Variants in SWAP70 observed in about 807,000 individuals in gnomAD.
SWAP70 encodes switch-associated protein 70.
A neutral mutation model predicts 80.2 loss-of-function variants in SWAP70; 34 were observed. The observed-to-expected ratio is 0.42, with a 90% CI of 0.32 to 0.56. SWAP70 has a LOEUF of 0.56. Ranked by LOEUF, SWAP70 falls within the 20% of genes least tolerant of loss-of-function variation. The pLI is 0.09. For missense variants in SWAP70, 578 were observed against 690.7 expected (o/e 0.84, Z 1.83); for synonymous variants, 239 against 238.5 (o/e 1.00, Z -0.02).
At position 9,733,481 on chromosome 11, in the gene SWAP70, A is replaced by G. The variant is rs753616367; in HGVS notation, c.1080+771A>G. ...GGTTCTCCCTTGGTAACCCGTAGAA[A>G]TGCCACATTGTGTGCTGAACTTCCT... On this transcript the variant is annotated intron_variant, in intron 7 of 11. Coordinates refer to ENST00000318950, the MANE Select transcript of SWAP70 (RefSeq NM_015055.4). 1.2e-4 allele frequency among the ~76,000 whole-genome samples: 18 copies of G among 152,214 alleles called. 1 individual carries two copies. The highest frequency in any genetic ancestry group is 2.2e-4 in the Non-Finnish European group (15 of 68,034).
intron 9 of SWAP70, among the ~76,000 whole-genome samples, chr11:9,745,679 C>A (rs1479361813): frequency 6.6e-6 from 1 of 152,178 alleles, no homozygotes; most frequent in Non-Finnish European, 1.5e-5. Flanking sequence ...CATGTAAACA[C>A]CTTATGTGCA....
intron 7 of SWAP70, among the ~76,000 whole-genome samples, chr11:9,733,086 C>CATG (rs1325510159): frequency 6.6e-6 from 1 of 152,164 alleles, no homozygotes; most frequent in Non-Finnish European, 1.5e-5. Flanking sequence ...CATCTTCACT[C>CATG]ATGAGTACCT....
At chr11:9,666,873 T>A (rs1590002859) in intron 1 of SWAP70, among the ~76,000 whole-genome samples, 1 of 151,888 alleles carries the variant, frequency 6.6e-6, no homozygotes, top group Middle Eastern at 3.4e-3. Context: ...TACAGACACG[T>A]GCCACCAAGC....
At chr11:9,674,010 C>G (rs1243792852) in intron 1 of SWAP70, among the ~76,000 whole-genome samples, 1 of 152,166 alleles carries the variant, frequency 6.6e-6, no homozygotes, top group African/African-American at 2.4e-5. Context: ...AGCGATTCTC[C>G]TACCTCAGCC....
rs1851316030 is a variant in SWAP70 at position 9,732,705 on chromosome 11, C to T, written c.1075C>T (p.Arg359Trp). The T allele has an allele frequency of 5.8e-6, 9 of 1,546,224 alleles. No individual in the cohort carries two copies. The highest frequency in any genetic ancestry group is 7.0e-6 in the Non-Finnish European group (8 of 1,146,044). The change falls in exon 7 of 12, where the codon CGG becomes TGG. Residue 359 changes from arginine (R) to tryptophan (W), a missense_variant. Physicochemically the swap from Arg to Trp is moderately radical, Grantham distance 101. Transcript: ENST00000318950. ...ESKQQELEAV[R>W]KKLEEAASRA... ...CAAGCAGCAGGAGCTGGAGGCCGTG[C>T]GGAAGGTGGGAATGGGCGCTGGGCT... is the stretch of plus-strand genomic sequence containing the variant.
At chr11:9,697,110 A>G (rs1215262173) in intron 2 of SWAP70, among the ~76,000 whole-genome samples, 1 of 151,992 alleles carries the variant, frequency 6.6e-6, no homozygotes, top group Non-Finnish European at 1.5e-5. Flanking sequence ...AAACCTAAAT[A>G]CACAACTATA....
At chr11:9,747,787 C>T in intron 9 of SWAP70, 71 bp from the exon 10 acceptor site, 1 of 1,427,880 alleles carries the variant, frequency 7.0e-7, no homozygotes, top group Non-Finnish European at 9.9e-7. Flanking sequence ...GTCTAAAATG[C>T]TTCCCTCGTC....
intron 2 of SWAP70, among the ~76,000 whole-genome samples, chr11:9,711,413 C>G (rs1031220640): frequency 1.3e-5 from 2 of 151,918 alleles, no homozygotes; most frequent in Non-Finnish European, 1.5e-5. Flanking sequence ...GTGTGTCTGT[C>G]TGTCTGTCTG....
rs536330862 is a variant in SWAP70 at position 9,667,355 on chromosome 11, A to G, written c.99+3077A>G. Among the ~76,000 whole-genome samples the G allele has an allele frequency of 3.0e-4, 46 of 151,660 alleles. 1 individual carries two copies. In the South Asian group the frequency reaches 9.6e-3, roughly 32 times the overall value. On this transcript the variant is annotated intron_variant, in intron 1 of 11. Coordinates refer to ENST00000318950, the MANE Select transcript of SWAP70 (RefSeq NM_015055.4). ...CAACCTCCACTTCCTGGCTCAAGCG[A>G]TCCTCCAGCCTCCACCTCCCAAGTA...
In SWAP70 at chr11:9,732,585, G is replaced by A. The variant is rs889811931; in HGVS notation, c.955G>A (p.Ala319Thr). The change falls in exon 7 of 12, where the codon GCC (alanine) becomes ACC (threonine). Residue 319 changes from alanine (A) to threonine (T), a missense_variant. By Grantham distance (58) the Ala-to-Thr change is moderately conservative. Coordinates refer to ENST00000318950, the MANE Select transcript of SWAP70 (RefSeq NM_015055.4). ...KLGSPPPHKE[A>T]RQRRKELRKK... ...GGGCAGCCCTCCACCACACAAAGAAGCCCGCCAGCGTCGGAAAGAACTCCG... is the reference window on the plus strand; with the variant it reads ...GGGCAGCCCTCCACCACACAAAGAAACCCGCCAGCGTCGGAAAGAACTCCG... The A allele has an allele frequency of 6.2e-6, 10 of 1,603,118 alleles. No homozygotes were observed. The highest frequency in any genetic ancestry group is 1.1e-5 in the South Asian group (1 of 89,784).
chr11:9,688,742 G>A (rs1334190626), intron 1 of SWAP70, among the ~76,000 whole-genome samples: 1 of 152,076 alleles, frequency 6.6e-6, no homozygotes, highest in African/African-American at 2.4e-5. Flanking sequence ...TGTGAACAAT[G>A]ACTTTGAGAT....
At chr11:9,692,095 A>C (rs1414341156) in intron 1 of SWAP70, among the ~76,000 whole-genome samples, 1 of 152,014 alleles carries the variant, frequency 6.6e-6, no homozygotes, top group Non-Finnish European at 1.5e-5. Flanking sequence ...GTCATGGTAC[A>C]TTGCTGTGGA....
At chr11:9,747,773 T>C (rs1008937850) in intron 9 of SWAP70, 85 bp from the exon 10 acceptor site, 10 of 1,288,850 alleles carry the variant, frequency 7.8e-6, no homozygotes, top group Non-Finnish European at 1.0e-5. Flanking sequence ...TCAAATATTC[T>C]CTTGTCTAAA....
At chr11:9,681,688 T>C (rs1163741283) in intron 1 of SWAP70, among the ~76,000 whole-genome samples, 2 of 152,094 alleles carry the variant, frequency 1.3e-5, no homozygotes, top group African/African-American at 4.8e-5. Flanking sequence ...TTGTGAGTGA[T>C]ACAGATGAGC....
At chr11:9,664,679 A>C (rs1369910178) in intron 1 of SWAP70, among the ~76,000 whole-genome samples, 4 of 152,220 alleles carry the variant, frequency 2.6e-5, no homozygotes, top group Non-Finnish European at 5.9e-5. Context: ...CAGGAGAGGA[A>C]GGGACTTGCC....
At chr11:9,710,068 G>A (rs1010554779) in intron 2 of SWAP70, among the ~76,000 whole-genome samples, 7 of 152,034 alleles carry the variant, frequency 4.6e-5, no homozygotes, top group Admixed American at 1.3e-4. Context: ...GGAAGAGGCG[G>A]AAGTTGTTGG....
At chr11:9,708,105 G>A (rs1850943537) in intron 2 of SWAP70, among the ~76,000 whole-genome samples, 2 of 152,106 alleles carry the variant, frequency 1.3e-5, no homozygotes, top group Admixed American at 6.6e-5. Context: ...GTGGGTATAG[G>A]TGTGCAAATG....
chr11:9,743,961 G>T lies in SWAP70; in HGVS notation c.1355+3614G>T, dbSNP rs1412661095. ...CTTTAGCTTGAAACACGTAGATCTT[G>T]TAATTTTTTTTTTTTTTTTGAGACG... On this transcript the variant is annotated intron_variant, in intron 9 of 11. Coordinates refer to ENST00000318950, the MANE Select transcript of SWAP70 (RefSeq NM_015055.4). Among the ~76,000 whole-genome samples, 5 of 122,160 alleles carry T rather than the reference G, an allele frequency of 4.1e-5. 1 individual carries two copies. The highest frequency in any genetic ancestry group is 2.4e-4 in the East Asian group (1 of 4,130). The allele number at this position is 122,160 out of a possible 152,430, so 80.1% of individuals were successfully genotyped here. A position where few individuals can be genotyped will look rare whatever the true frequency, so the allele number is the denominator to read the frequency against.
Position 9,724,780 on chromosome 11 carries a change from T to A in SWAP70, c.537T>A (p.Ile179=), listed in dbSNP as rs770365048. The change falls in exon 4 of 12, where the codon ATT becomes ATA. Residue 179 remains isoleucine, a synonymous_variant. Coordinates refer to ENST00000318950, the MANE Select transcript of SWAP70 (RefSeq NM_015055.4). ...SKNGLSAWEL[I]ELIGNGQFSK... is the part of the protein sequence containing the mutation. ...ATGGCCTTTCTGCATGGGAACTTAT[T>A]GAGCTTATTGGAAATGGACAGTTTA... 7.4e-6 allele frequency: 12 copies of A among 1,613,926 alleles called. No homozygotes were observed. Among genetic ancestry groups the A allele is most frequent in the Middle Eastern group, 1.6e-4 (1 of 6,062 alleles).
Sources: allele counts gnomAD v4.1 joint callset (sites outside exome capture counted in the v4.1 genomes callset), GRCh38; gene constraint gnomAD v4.1.1; transcripts MANE v1.5; gene names NCBI Gene and HGNC (gene_info 2026-07-23, HGNC 2026-07-21).